The following MTUS2 variants were observed in gnomAD, a reference collection of about 807,000 sequenced individuals.
The protein encoded by MTUS2 is microtubule associated scaffold protein 2, also known as microtubule-associated tumor suppressor candidate 2.
In MTUS2, 40 loss-of-function variants were observed where a neutral mutation model predicts 114.1. The ratio of observed to expected loss-of-function variants is 0.35; its 90% CI spans 0.27 to 0.46. MTUS2 has a LOEUF of 0.46. MTUS2 is among the 20% of genes least tolerant of loss of function. The pLI is 1.00. For synonymous variants in MTUS2, 688 were observed against 672.0 expected (o/e 1.02, Z -0.37); for missense variants, 1,679 against 1,705.4 (o/e 0.98, Z 0.27).
chr13:29,443,663 G>C (rs991679307), intron 9 of MTUS2, among the ~76,000 whole-genome samples: 11 of 152,208 alleles, frequency 7.2e-5, no homozygotes, highest in Middle Eastern at 3.2e-3. Flanking sequence ...GGGAATGTGG[G>C]GATCAACTGT....
intron 10 of MTUS2, among the ~76,000 whole-genome samples, chr13:29,486,334 C>T (rs937555302): frequency 1.3e-4 from 20 of 152,182 alleles, no homozygotes; most frequent in African/African-American, 4.3e-4. Flanking sequence ...AGAGAGAAGT[C>T]AGGATAATTG....
intron 8 of MTUS2, among the ~76,000 whole-genome samples, chr13:29,437,881 G>C (rs759453088): frequency 6.6e-6 from 1 of 151,578 alleles, no homozygotes; most frequent in Non-Finnish European, 1.5e-5. Context: ...CTGGGAGGTA[G>C]AGGTTGCAGT....
intron 5 of MTUS2, among the ~76,000 whole-genome samples, chr13:29,221,665 T>A (rs1895913175): frequency 6.6e-6 from 1 of 152,084 alleles, no homozygotes; most frequent in Non-Finnish European, 1.5e-5. Context: ...TAGATAGAAG[T>A]TTTTAATTTT....
At chr13:29,380,180 C>T (rs9550465) in intron 8 of MTUS2, among the ~76,000 whole-genome samples, 123,576 of 152,022 alleles carry the variant, frequency 0.81, 51,494 homozygotes, top group East Asian at 0.92. Flanking sequence ...GAAGGAATAA[C>T]GAGGGTGGTC....
intron 9 of MTUS2, among the ~76,000 whole-genome samples, chr13:29,446,508 G>C (rs1000874354): frequency 2.5e-4 from 38 of 152,248 alleles, no homozygotes; most frequent in African/African-American, 9.2e-4. Flanking sequence ...CTATAGTGCT[G>C]ACAAACTACA....
Position 29,504,469 on chromosome 13 carries a change from C to A in MTUS2, c.*1263C>A, listed in dbSNP as rs957076767. The A allele has an allele frequency of 4.3e-6, 1 of 232,814 alleles. No homozygotes were observed. The highest frequency in any genetic ancestry group is 2.2e-5 in the African/African-American group (1 of 45,198). The allele number at this position is 232,814 out of a possible 1,614,324, so 14.4% of individuals were successfully genotyped here. A position where few individuals can be genotyped will look rare whatever the true frequency, so the allele number is the denominator to read the frequency against. On this transcript the variant is annotated 3_prime_UTR_variant, in exon 16 of 16. Transcript: ENST00000612955. The stretch of plus-strand genomic sequence containing the variant: ...GATCATCACACGACCACCCAGAAAC[C>A]CACTTGCACTTCCTGCTGGATGATC...
At chr13:29,457,385 T>C (rs1879195251) in intron 9 of MTUS2, among the ~76,000 whole-genome samples, 1 of 146,782 alleles carries the variant, frequency 6.8e-6, no homozygotes, top group South Asian at 2.2e-4. Context: ...TTGGATTTCA[T>C]ATGGATAGTA....
intron 5 of MTUS2, among the ~76,000 whole-genome samples, chr13:29,186,118 G>A (rs372332388): frequency 3.9e-5 from 6 of 152,302 alleles, no homozygotes; most frequent in Admixed American, 6.5e-5. Context: ...GGAGGCTGAG[G>A]TGGGAAGATT....
At chr13:28,997,167 A>G (rs1885150956) in intron 2 of MTUS2, among the ~76,000 whole-genome samples, 1 of 152,200 alleles carries the variant, frequency 6.6e-6, no homozygotes, top group African/African-American at 2.4e-5. Context: ...GTAGTCATTC[A>G]GGAGCAGGTT....
chr13:29,254,320 A>G (rs1284510765), intron 5 of MTUS2, among the ~76,000 whole-genome samples: 1 of 152,236 alleles, frequency 6.6e-6, no homozygotes, highest in Non-Finnish European at 1.5e-5. Context: ...CAACGAACAA[A>G]CAGGCACACA....
intron 5 of MTUS2, among the ~76,000 whole-genome samples, chr13:29,152,010 G>A (rs879930022): frequency 3.3e-5 from 5 of 151,946 alleles, no homozygotes; most frequent in African/African-American, 9.7e-5. Flanking sequence ...TTGTGTCTTC[G>A]ATCGATTTTG....
chr13:28,846,461 G>C (rs1009671403), intron 2 of MTUS2, among the ~76,000 whole-genome samples: 1 of 152,174 alleles, frequency 6.6e-6, no homozygotes. Flanking sequence ...AGTCCATCAA[G>C]TCAAAAGCTG....
At chr13:28,908,423 A>G (rs1322778767) in intron 2 of MTUS2, among the ~76,000 whole-genome samples, 1 of 151,492 alleles carries the variant, frequency 6.6e-6, no homozygotes, top group Non-Finnish European at 1.5e-5. Context: ...TAGTTTGCTG[A>G]GAATGATGGT....
intron 5 of MTUS2, among the ~76,000 whole-genome samples, chr13:29,202,874 C>T (rs1195654754): frequency 6.6e-6 from 1 of 152,216 alleles, no homozygotes; most frequent in East Asian, 1.9e-4. Context: ...GTTCCTTCCT[C>T]TGGAAGGTTT....
At chr13:29,452,622 T>A (rs61433210) in intron 9 of MTUS2, among the ~76,000 whole-genome samples, 10,927 of 149,438 alleles carry the variant, frequency 0.073, 508 homozygotes, top group African/African-American at 0.12. Flanking sequence ...ATATATATAT[T>A]TTGTAGAGAC....
chr13:29,391,899 C>G (rs1197569304), intron 8 of MTUS2, among the ~76,000 whole-genome samples: 2 of 151,826 alleles, frequency 1.3e-5, no homozygotes, highest in Admixed American at 6.6e-5. Context: ...CTTTGGGAGG[C>G]TGAGGCAGGC....
intron 5 of MTUS2, among the ~76,000 whole-genome samples, chr13:29,187,509 A>G (rs1894275595): frequency 6.6e-6 from 1 of 152,182 alleles, no homozygotes; most frequent in Non-Finnish European, 1.5e-5. Context: ...TGGATAAATT[A>G]CTAGGAAGAA....
intron 2 of MTUS2, among the ~76,000 whole-genome samples, chr13:28,863,531 G>A (rs547619549): frequency 4.5e-4 from 68 of 152,282 alleles, no homozygotes; most frequent in African/African-American, 1.6e-3. Flanking sequence ...TTGCCTGCGA[G>A]TGAGCTTTGT....
chr13:29,057,460 T>C (rs1366931913), intron 4 of MTUS2, among the ~76,000 whole-genome samples: 4 of 152,198 alleles, frequency 2.6e-5, no homozygotes, highest in African/African-American at 9.6e-5. Flanking sequence ...AAAAACTTGC[T>C]CTGTGAATCT....
Sources: allele counts gnomAD v4.1 joint callset (sites outside exome capture counted in the v4.1 genomes callset), GRCh38; gene constraint gnomAD v4.1.1; transcripts MANE v1.5; gene names NCBI Gene and HGNC (gene_info 2026-07-23, HGNC 2026-07-21).